The following CTNNA3 variants were observed in gnomAD, a reference collection of about 807,000 sequenced individuals.
CTNNA3 encodes the protein catenin alpha-3.
CTNNA3 carries 76 observed loss-of-function variants against 95.7 expected under a neutral mutation model. That is an observed-to-expected ratio of 0.79 (90% confidence interval 0.66 to 0.96). The LOEUF (loss-of-function observed/expected upper bound fraction) is 0.96. Ranked by LOEUF, CTNNA3 falls within the 40% of genes least tolerant of loss-of-function variation. The pLI, the probability that CTNNA3 is intolerant of heterozygous loss-of-function variation, is 0.00. For missense variants in CTNNA3, 1,191 were observed against 1,089.8 expected (o/e 1.09, Z -1.31); for synonymous variants, 431 against 374.4 (o/e 1.15, Z -1.74).
intron 13 of CTNNA3, among the ~76,000 whole-genome samples, chr10:66,199,805 A>ATATGTATATATATATATATTTTT (rs1564756586): frequency 2.1e-4 from 3 of 14,292 alleles, no homozygotes; most frequent in Non-Finnish European, 3.3e-4. Context: ...ATATATATAT[A>ATATGTATATATATATATATTTTT]TTTTTTTTTT....
intron 12 of CTNNA3, among the ~76,000 whole-genome samples, chr10:66,344,319 T>G (rs2092482750): frequency 6.6e-6 from 1 of 151,184 alleles, no homozygotes; most frequent in Non-Finnish European, 1.5e-5. Flanking sequence ...CAGGCTGGAG[T>G]GCAGTGGCGT....
chr10:65,981,718 G>C (rs1404390867), intron 16 of CTNNA3, among the ~76,000 whole-genome samples: 1 of 151,704 alleles, frequency 6.6e-6, no homozygotes, highest in African/African-American at 2.4e-5. Flanking sequence ...AATGATCTTT[G>C]CAAAGTAAAC....
At chr10:65,955,341 A>G (rs2077706720) in intron 17 of CTNNA3, among the ~76,000 whole-genome samples, 1 of 152,176 alleles carries the variant, frequency 6.6e-6, no homozygotes, top group African/African-American at 2.4e-5. Flanking sequence ...AAACAGGGAC[A>G]ATTTGACTTC....
At chr10:66,585,646 T>C (rs1299566027) in intron 10 of CTNNA3, among the ~76,000 whole-genome samples, 1 of 152,040 alleles carries the variant, frequency 6.6e-6, no homozygotes, top group African/African-American at 2.4e-5. Context: ...AACTTAATAA[T>C]CAACTTTTTT....
At chr10:67,117,501 C>T (rs60344079) in intron 7 of CTNNA3, among the ~76,000 whole-genome samples, 3 of 151,894 alleles carry the variant, frequency 2.0e-5, no homozygotes, top group Non-Finnish European at 4.4e-5. Flanking sequence ...ATTATTGTTT[C>T]TTTACCCTAA....
At chr10:66,432,543 T>A (rs893576251) in intron 11 of CTNNA3, among the ~76,000 whole-genome samples, 13 of 151,700 alleles carry the variant, frequency 8.6e-5, no homozygotes, top group African/African-American at 3.1e-4. Flanking sequence ...TGCCTGTAGT[T>A]CCAGCTACTT....
intron 11 of CTNNA3, among the ~76,000 whole-genome samples, chr10:66,434,665 A>G (rs2093324168): frequency 6.6e-6 from 1 of 152,184 alleles, no homozygotes; most frequent in African/African-American, 2.4e-5. Context: ...TGCCCTGGCC[A>G]GAACTTCCAA....
At chr10:65,955,808 T>A (rs2077717072) in intron 17 of CTNNA3, among the ~76,000 whole-genome samples, 1 of 152,160 alleles carries the variant, frequency 6.6e-6, no homozygotes, top group Non-Finnish European at 1.5e-5. Context: ...TACTGAGGAT[T>A]TTGGCATCAA....
Position 67,617,843 on chromosome 10 carries a change from C to T in CTNNA3, c.100-10794G>A, listed in dbSNP as rs80194590. ...GTTATCTCATTGTGGTTTTGATTTG[C>T]ATTTCTCTAATGATCAGTGATGTTG... On this transcript the variant is annotated intron_variant, in intron 2 of 17. Coordinates refer to ENST00000433211, the MANE Select transcript of CTNNA3 (RefSeq NM_013266.4). Among the ~76,000 whole-genome samples the T allele has an allele frequency of 0.034, 5,130 of 150,794 alleles. 612 individuals are homozygous for T. The East Asian group carries it at 0.44, about 13-fold the overall frequency.
chr10:66,702,577 G>T (rs757002488), intron 9 of CTNNA3, among the ~76,000 whole-genome samples: 3 of 151,624 alleles, frequency 2.0e-5, no homozygotes, highest in Admixed American at 2.0e-4. Context: ...ATGGTGGTGG[G>T]TGCCTGTAAT....
chr10:66,359,525 T>C (rs2092637125), intron 12 of CTNNA3, among the ~76,000 whole-genome samples: 3 of 152,198 alleles, frequency 2.0e-5, no homozygotes, highest in Admixed American at 2.0e-4. Flanking sequence ...AAATGTTTAG[T>C]TCCAGGGTAG....
intron 11 of CTNNA3, among the ~76,000 whole-genome samples, chr10:66,403,102 C>A (rs552717093): frequency 6.6e-6 from 1 of 152,186 alleles, no homozygotes; most frequent in East Asian, 1.9e-4. Context: ...AGGCCTAAAC[C>A]AATGTGTAAC....
intron 15 of CTNNA3, among the ~76,000 whole-genome samples, chr10:66,067,457 T>C (rs1158987394): frequency 6.6e-6 from 1 of 152,230 alleles, no homozygotes. Context: ...CCATACTTTA[T>C]TGAACTTAAG....
intron 12 of CTNNA3, 78 bp downstream of exon 12, chr10:66,379,074 T>A: frequency 4.9e-6 from 6 of 1,223,892 alleles, no homozygotes; most frequent in Non-Finnish European, 2.4e-6. Flanking sequence ...CTAGAATCTT[T>A]CCCACATGTA....
At chr10:67,023,379 C>T (rs549871454) in intron 7 of CTNNA3, among the ~76,000 whole-genome samples, 1 of 152,066 alleles carries the variant, frequency 6.6e-6, no homozygotes, top group East Asian at 1.9e-4. Context: ...AAGTCAAGAA[C>T]TTCAGGAAAG....
In CTNNA3 at chr10:67,302,449, A is replaced by T. The variant is rs188964974; in HGVS notation, c.580-82579T>A. On this transcript the variant is annotated intron_variant, in intron 5 of 17. Coordinates refer to ENST00000433211, the MANE Select transcript of CTNNA3 (RefSeq NM_013266.4). ...TGTTCTCACCACAAAAATGATAAGT[A>T]TGTGAGGTAATGCATGTATCAATTC... Among the ~76,000 whole-genome samples the T allele has an allele frequency of 9.8e-5, 15 of 152,350 alleles. No individual in the cohort carries two copies. The East Asian group carries it at 2.9e-3, about 29-fold the overall frequency.
At chr10:66,889,115 C>A (rs111287761) in intron 7 of CTNNA3, among the ~76,000 whole-genome samples, 2 of 151,922 alleles carry the variant, frequency 1.3e-5, no homozygotes, top group African/African-American at 4.8e-5. Flanking sequence ...AGAAGGCAAC[C>A]TGAAAAGGCT....
At chr10:66,127,597 C>T (rs532358810) in intron 13 of CTNNA3, among the ~76,000 whole-genome samples, 48 of 151,996 alleles carry the variant, frequency 3.2e-4, no homozygotes, top group Admixed American at 1.2e-3. Flanking sequence ...GACTATTAAA[C>T]GCAATGTAAT....
rs369024617 is a variant in CTNNA3 at position 67,180,391 on chromosome 10, G to A, written c.973C>T (p.Arg325Ter). The change falls in exon 7 of 18, where the codon CGA becomes TGA. Residue 325 changes from arginine to a stop codon, truncating the protein, a stop_gained. Transcript: ENST00000433211. LOFTEE classifies it high-confidence loss of function. ...ADSSCTRDLH[R>*]ERIIAECNAI... is the part of the protein sequence containing the mutation. ...TTGCATTCTGCGATAATCCGCTCTC[G>A]GTGTAAGTCCCTCGTACATGAAGAA... 47 of 1,613,660 alleles carry A rather than the reference G, an allele frequency of 2.9e-5. No individual in the cohort carries two copies. The highest frequency in any genetic ancestry group is 3.7e-5 in the Non-Finnish European group (44 of 1,179,872).
Sources: gnomAD v4.1 joint callset for allele counts (sites outside exome capture counted in the v4.1 genomes callset) on GRCh38, gnomAD v4.1.1 for gene constraint, MANE v1.5 for transcripts, NCBI Gene and HGNC (gene_info 2026-07-23, HGNC 2026-07-21) for gene names.